ABCA1: variants seen among roughly 807,000 people sequenced by gnomAD.
ABCA1 encodes phospholipid-transporting ATPase ABCA1.
Under a neutral mutation model 262.5 loss-of-function variants are expected in ABCA1, and 133 were observed. The ratio of observed to expected loss-of-function variants is 0.51; its 90% CI spans 0.44 to 0.59. The LOEUF is 0.59. Among genes scored for constraint, ABCA1 ranks in the 20% least tolerant of loss-of-function variants. ABCA1 has a pLI of 0.00. For missense variants in ABCA1, 2,452 were observed against 2,777.5 expected, an observed-to-expected ratio of 0.88 and a Z score of 2.63; for synonymous variants, 1,022 against 1,043.5, an observed-to-expected ratio of 0.98 and a Z score of 0.40.
intron 11 of ABCA1, among the ~76,000 whole-genome samples, chr9:104,834,879 T>C (rs900634740): frequency 6.6e-6 from 1 of 152,114 alleles, no homozygotes; most frequent in Non-Finnish European, 1.5e-5. Context: ...GCCTCAGCCA[T>C]CACCTCGTGT....
In ABCA1 at chr9:104,907,685, T is replaced by C. The variant is rs562443446; in HGVS notation, c.-92-3914A>G. ...ACAAAGGACTGCTGAGCTTCCCAGG[T>C]GACTCCTGGGACATCCTGAAAAACG... On this transcript the variant is annotated intron_variant, in intron 1 of 49. Transcript: ENST00000374736. Among the ~76,000 whole-genome samples the C allele has an allele frequency of 4.6e-5, 7 of 152,340 alleles. No homozygotes were observed. The East Asian group carries it at 1.4e-3, about 29-fold the overall frequency.
chr9:104,923,891 AT>A (rs1842282043), intron 1 of ABCA1, among the ~76,000 whole-genome samples: 1 of 152,122 alleles, frequency 6.6e-6, no homozygotes, highest in Non-Finnish European at 1.5e-5. Flanking sequence ...AATTGTAAAA[AT>A]TTAGCCAGGA....
At chr9:104,799,740 T>A in intron 36 of ABCA1, 79 bp downstream of exon 36, 1 of 1,611,450 alleles carries the variant, frequency 6.2e-7, no homozygotes, top group Non-Finnish European at 8.5e-7. Context: ...TCCCCTACAA[T>A]GAGATTCACA....
intron 9 of ABCA1, 63 bp downstream of exon 9, chr9:104,840,216 C>T: frequency 1.9e-6 from 3 of 1,611,766 alleles, no homozygotes; most frequent in East Asian, 4.5e-5. Context: ...TGACACAGGC[C>T]AAGGCCAGAA....
intron 10 of ABCA1, 37 bp downstream of exon 10, chr9:104,837,391 A>G: frequency 6.2e-7 from 1 of 1,613,494 alleles, no homozygotes; most frequent in East Asian, 2.2e-5. Context: ...TTCTGGGGAG[A>G]TTCTGGGGAG....
chr9:104,875,817 A>C (rs1186820054), intron 5 of ABCA1, among the ~76,000 whole-genome samples: 2 of 152,172 alleles, frequency 1.3e-5, no homozygotes, highest in Non-Finnish European at 2.9e-5. Flanking sequence ...CACAGTTCTC[A>C]TGGAGAGTGC....
At chr9:104,895,416 C>G (rs1211729536) in intron 2 of ABCA1, among the ~76,000 whole-genome samples, 3 of 152,096 alleles carry the variant, frequency 2.0e-5, no homozygotes, top group African/African-American at 7.2e-5. Context: ...CAGCAGCATC[C>G]CTGACCTCAA....
At chr9:104,827,520 G>A (rs969368803) in intron 15 of ABCA1, among the ~76,000 whole-genome samples, 12 of 152,192 alleles carry the variant, frequency 7.9e-5, no homozygotes, top group African/African-American at 2.7e-4. Context: ...AGAGCTGTGG[G>A]AGATAATATC....
intron 32 of ABCA1, among the ~76,000 whole-genome samples, chr9:104,804,016 AT>A (rs955523069): frequency 3.9e-5 from 6 of 152,338 alleles, no homozygotes; most frequent in African/African-American, 1.4e-4. Context: ...TGCCCATGCC[AT>A]TTAAAGTCAC....
chr9:104,891,072 A>G (rs1839694572), intron 2 of ABCA1, among the ~76,000 whole-genome samples: 1 of 152,176 alleles, frequency 6.6e-6, no homozygotes, highest in Admixed American at 6.5e-5. Context: ...TAATCTTAAA[A>G]CATGTCCTGT....
At position 104,796,343 on chromosome 9, in the gene ABCA1, G is replaced by C. The variant is rs767531686; in HGVS notation, c.5203C>G (p.Leu1735Val). 11 of 1,614,212 alleles carry C rather than the reference G, an allele frequency of 6.8e-6. No homozygotes were observed. In the South Asian group the frequency reaches 1.2e-4, roughly 18 times the overall value. ...QQKSYVSSTN[L>V]PVLALLLLLY... ...AAAAGTAGAAGGGCTAGCACAGGCA[G>C]ATTGGTGGAGGACACATAGGACTTC... Residue 1735 changes from leucine (L) to valine (V), a missense_variant, in exon 38 of 50, where the codon CTG becomes GTG. By Grantham distance (32) the Leu-to-Val change is conservative. Transcript: ENST00000374736.
At chr9:104,908,856 C>A (rs1349041797) in intron 1 of ABCA1, among the ~76,000 whole-genome samples, 2 of 152,146 alleles carry the variant, frequency 1.3e-5, no homozygotes, top group Non-Finnish European at 2.9e-5. Context: ...ACAGAAATCA[C>A]TGCAGTGGTG....
At chr9:104,827,961 T>C (rs1832943525) in intron 15 of ABCA1, among the ~76,000 whole-genome samples, 1 of 152,262 alleles carries the variant, frequency 6.6e-6, no homozygotes, top group Admixed American at 6.5e-5. Context: ...TAACAGATGG[T>C]AACTAGTATT....
At chr9:104,788,843 C>A (rs189877025) in intron 44 of ABCA1, among the ~76,000 whole-genome samples, 20 of 152,290 alleles carry the variant, frequency 1.3e-4, no homozygotes, top group Non-Finnish European at 1.3e-4. Flanking sequence ...TGAGGTCATG[C>A]CAACCACTGC....
chr9:104,806,606 G>A (rs1283761474), intron 30 of ABCA1, among the ~76,000 whole-genome samples, 176 bp from the exon 31 acceptor site: 2 of 152,140 alleles, frequency 1.3e-5, no homozygotes, highest in African/African-American at 4.8e-5. Context: ...CTTGTACACT[G>A]TGACATCATT....
intron 2 of ABCA1, among the ~76,000 whole-genome samples, chr9:104,891,336 G>T (rs778065509): frequency 6.6e-6 from 1 of 152,162 alleles, no homozygotes; most frequent in Non-Finnish European, 1.5e-5. Context: ...AAGGCAGGCG[G>T]ATCACCTGAG....
At chr9:104,885,123 G>C (rs1588503985) in intron 3 of ABCA1, among the ~76,000 whole-genome samples, 1 of 152,108 alleles carries the variant, frequency 6.6e-6, no homozygotes. Flanking sequence ...GTAATCCCAG[G>C]TACTCTGGAG....
At chr9:104,909,772 C>T (rs945935304) in intron 1 of ABCA1, among the ~76,000 whole-genome samples, 3 of 151,872 alleles carry the variant, frequency 2.0e-5, no homozygotes, top group Non-Finnish European at 4.4e-5. Context: ...ATGCACATTT[C>T]CAGGAGAGAT....
intron 40 of ABCA1, among the ~76,000 whole-genome samples, chr9:104,794,113 G>A (rs967672004): frequency 6.6e-6 from 1 of 152,182 alleles, no homozygotes; most frequent in Non-Finnish European, 1.5e-5. Flanking sequence ...ACAGTGGCAT[G>A]AGCCAGTGGA....
Sources: allele counts gnomAD v4.1 joint callset (sites outside exome capture counted in the v4.1 genomes callset), GRCh38; gene constraint gnomAD v4.1.1; transcripts MANE v1.5; gene names NCBI Gene and HGNC (gene_info 2026-07-23, HGNC 2026-07-21).